Variants in SOS2 observed in about 807,000 individuals in gnomAD.
SOS2 encodes son of sevenless homolog 2.
A neutral mutation model predicts 148.2 loss-of-function variants in SOS2; 65 were observed. The observed-to-expected ratio is 0.44, with a 90% confidence interval of 0.36 to 0.54. The LOEUF (loss-of-function observed/expected upper bound fraction) is 0.54. Ranked by LOEUF, SOS2 falls within the 20% of genes least tolerant of loss-of-function variation. The pLI, the probability that SOS2 is intolerant of heterozygous loss-of-function variation, is 0.00. For synonymous variants in SOS2, 539 were observed against 537.1 expected, an observed-to-expected ratio of 1.00 and a Z score of -0.05; for missense variants, 1,341 against 1,590.2, an observed-to-expected ratio of 0.84 and a Z score of 2.67.
At chr14:50,121,562 A>G (rs1255346289) in intron 21 of SOS2, among the ~76,000 whole-genome samples, 2 of 141,680 alleles carry the variant, frequency 1.4e-5, no homozygotes, top group Non-Finnish European at 3.0e-5. Flanking sequence ...TCAGGGGGAA[A>G]TAGCTGATAC....
chr14:50,215,313 ACTT>A lies in SOS2; in HGVS notation c.88-10907_88-10905del, dbSNP rs1173532052. The A allele has an allele frequency of 4.0e-5, 45 of 1,121,174 alleles. 1 individual carries two copies. The Admixed American group carries it at 1.1e-3, about 26-fold the overall frequency. 69.5% of individuals were successfully genotyped at this position (1,121,174 alleles called of 1,614,324 possible). ...CAAGCATCAAAGTTTCTTATGCCAA[ACTT>A]CTTAATTTCAAATATGAAAACAGTC... is the stretch of plus-strand genomic sequence containing the variant. On this transcript the variant is annotated intron_variant, in intron 1 of 22. Transcript: ENST00000216373.
At chr14:50,210,464 C>A (rs1208778501) in intron 1 of SOS2, among the ~76,000 whole-genome samples, 3 of 152,062 alleles carry the variant, frequency 2.0e-5, no homozygotes, top group African/African-American at 7.2e-5. Flanking sequence ...ATAATATCTT[C>A]ATGATTTCAG....
chr14:50,201,497 G>A (rs7144618), intron 2 of SOS2, among the ~76,000 whole-genome samples: 129,183 of 145,934 alleles, frequency 0.89, 57,250 homozygotes, highest in East Asian at 0.91. Context: ...TCATGCCACT[G>A]CACTCCAGCC....
intron 1 of SOS2, among the ~76,000 whole-genome samples, chr14:50,219,111 CA>C (rs146392357): frequency 6.3e-4 from 87 of 138,626 alleles, no homozygotes; most frequent in Non-Finnish European, 4.8e-4. Context: ...GATTTCGTCT[CA>C]AAAAAAAAAA....
intron 19 of SOS2, 135 bp from the exon 20 acceptor site, chr14:50,130,897 T>C: frequency 1.5e-6 from 1 of 647,588 alleles, no homozygotes; most frequent in Non-Finnish European, 2.6e-6. Flanking sequence ...CAGTCTGCAA[T>C]GACAGCCTGT....
At chr14:50,180,073 C>T (rs926995203) in intron 7 of SOS2, among the ~76,000 whole-genome samples, 1 of 151,542 alleles carries the variant, frequency 6.6e-6, no homozygotes, top group South Asian at 2.1e-4. Context: ...GGCGCGATCT[C>T]GGCTCACTGC....
chr14:50,134,230 C>A lies in SOS2; in HGVS notation c.2968G>T (p.Glu990Ter), dbSNP rs769199372. 1 of 1,495,036 alleles carries A rather than the reference C, an allele frequency of 6.7e-7. No homozygotes were observed. The highest frequency in any genetic ancestry group is 1.2e-5 in the South Asian group (1 of 85,474). 92.6% of individuals were successfully genotyped at this position (1,495,036 alleles called of 1,614,324 possible). Reference protein sequence around the residue: ...RIEPDMRRFFENLNPMGSASE... With the variant: ...RIEPDMRRFF ...GCACTTCCCATGGGGTTAAGGTTTT[C>A]AAAGAATCTCTGGAATTAAACAAAT... The change falls in exon 19 of 23, where the codon GAA (glutamate) becomes TAA (stop). Residue 990 changes from glutamate (E) to a stop codon, truncating the protein, a stop_gained. Transcript: ENST00000216373. LOFTEE classifies it high-confidence loss of function.
rs79418619 is a variant in SOS2 at position 50,206,043 on chromosome 14, A to G, written c.88-1634T>C. Among the ~76,000 whole-genome samples, 51 of 152,166 alleles carry G rather than the reference A, an allele frequency of 3.4e-4. 1 individual carries two copies. In the East Asian group the frequency reaches 9.8e-3, roughly 29 times the overall value. The stretch of plus-strand genomic sequence containing the variant: ...TGTATTCGTTCTTTTCTTGATCAGC[A>G]TCTCAGAGGTTTATCAATGTTATTA... On this transcript the variant is annotated intron_variant, in intron 1 of 22. Coordinates refer to ENST00000216373, the MANE Select transcript of SOS2 (RefSeq NM_006939.4).
At chr14:50,123,904 T>C (rs1883603959) in intron 21 of SOS2, among the ~76,000 whole-genome samples, 1 of 152,146 alleles carries the variant, frequency 6.6e-6, no homozygotes. Flanking sequence ...GTAGTCAAGA[T>C]TTGTTGATAG....
At position 50,145,149 on chromosome 14, in the gene SOS2, AAAGTT is replaced by A. The variant is rs1884429337; in HGVS notation, c.2667+16_2667+20del. 6 of 1,356,664 alleles carry A rather than the reference AAAGTT, an allele frequency of 4.4e-6. No homozygotes were observed. The Admixed American group carries it at 1.7e-4, about 38-fold the overall frequency. The allele number at this position is 1,356,664 out of a possible 1,614,324, so 84.0% of individuals were successfully genotyped here. ...TTTCATCATCCCCGAGAAAAATGAA[AAAGTT>A]AAGCCTAAAACTTACCTCAAAGGTA... On this transcript the variant is annotated intron_variant, in intron 16 of 22. Transcript: ENST00000216373.
intron 14 of SOS2, among the ~76,000 whole-genome samples, chr14:50,147,179 GA>G (rs1884511501): frequency 6.6e-6 from 1 of 152,004 alleles, no homozygotes; most frequent in Non-Finnish European, 1.5e-5. Context: ...CTGGGTGACA[GA>G]GTGAGACCCC....
intron 1 of SOS2, among the ~76,000 whole-genome samples, chr14:50,217,116 C>T (rs1304078837): frequency 6.6e-6 from 1 of 152,072 alleles, no homozygotes; most frequent in African/African-American, 2.4e-5. Context: ...GGAAAACAAT[C>T]AATAGAACAG....
At chr14:50,143,451 A>G (rs1368126522) in intron 16 of SOS2, among the ~76,000 whole-genome samples, 1 of 152,054 alleles carries the variant, frequency 6.6e-6, no homozygotes. Flanking sequence ...GTTATTATTT[A>G]TTTTGAGAAC....
At chr14:50,202,102 A>G (rs1886510683) in intron 2 of SOS2, among the ~76,000 whole-genome samples, 1 of 152,148 alleles carries the variant, frequency 6.6e-6, no homozygotes, top group Non-Finnish European at 1.5e-5. Context: ...AGCTGGGACT[A>G]CAAGCACATA....
chr14:50,119,470 G>T (rs970608923), intron 22 of SOS2, among the ~76,000 whole-genome samples: 6 of 152,140 alleles, frequency 3.9e-5, no homozygotes, highest in African/African-American at 1.4e-4. Flanking sequence ...GAATACTACT[G>T]AAGTTTTTTT....
intron 8 of SOS2, among the ~76,000 whole-genome samples, chr14:50,164,082 A>G (rs1030519298): frequency 6.6e-6 from 1 of 152,200 alleles, no homozygotes; most frequent in Admixed American, 6.5e-5. Flanking sequence ...GATAAACATC[A>G]TATTAATGAA....
At chr14:50,144,267 C>T (rs1030124520) in intron 16 of SOS2, among the ~76,000 whole-genome samples, 6 of 151,142 alleles carry the variant, frequency 4.0e-5, no homozygotes, top group African/African-American at 9.7e-5. Flanking sequence ...TGAAGATAAG[C>T]TAATAAAAAA....
chr14:50,142,320 T>C (rs1426452182), intron 16 of SOS2, among the ~76,000 whole-genome samples: 1 of 152,182 alleles, frequency 6.6e-6, no homozygotes, highest in African/African-American at 2.4e-5. Context: ...TTTCATAATA[T>C]TTGACTAAGT....
At chr14:50,125,597 G>C (rs940457500) in intron 21 of SOS2, among the ~76,000 whole-genome samples, 5 of 47,956 alleles carry the variant, frequency 1.0e-4, no homozygotes, top group African/African-American at 3.1e-4. Flanking sequence ...ACAGATGGAG[G>C]AAGATGAAAC....
Sources: allele counts gnomAD v4.1 joint callset (sites outside exome capture counted in the v4.1 genomes callset), GRCh38; gene constraint gnomAD v4.1.1; transcripts MANE v1.5; gene names NCBI Gene and HGNC (gene_info 2026-07-23, HGNC 2026-07-21).